NELL1: variants seen among roughly 807,000 people sequenced by gnomAD.
NELL1 encodes protein kinase C-binding protein NELL1.
NELL1 carries 76 observed loss-of-function variants against 107.4 expected under a neutral mutation model. The ratio of observed to expected loss-of-function variants is 0.71; its 90% CI spans 0.59 to 0.86. The LOEUF (loss-of-function observed/expected upper bound fraction) is 0.86. Among genes scored for constraint, NELL1 ranks in the 40% least tolerant of loss-of-function variants. The pLI is 0.00. For synonymous variants in NELL1, 353 were observed against 341.2 expected (o/e 1.03, Z -0.38); for missense variants, 1,024 against 1,005.5 (o/e 1.02, Z -0.25).
At chr11:20,874,075 CT>C (rs889771364) in intron 4 of NELL1, among the ~76,000 whole-genome samples, 6 of 150,702 alleles carry the variant, frequency 4.0e-5, no homozygotes, top group African/African-American at 7.3e-5. Flanking sequence ...TGAGTTTAGA[CT>C]TTTTTTTTGA....
intron 13 of NELL1, among the ~76,000 whole-genome samples, chr11:21,128,599 C>T (rs975566383): frequency 2.6e-5 from 4 of 152,106 alleles, no homozygotes; most frequent in Non-Finnish European, 5.9e-5. Context: ...AGCTATGTCA[C>T]CCTCAAGCAG....
At chr11:20,989,753 G>T (rs1325511049) in intron 12 of NELL1, among the ~76,000 whole-genome samples, 1 of 152,120 alleles carries the variant, frequency 6.6e-6, no homozygotes, top group African/African-American at 2.4e-5. Context: ...AGCACTTTGG[G>T]AGGCCGAGGT....
intron 14 of NELL1, among the ~76,000 whole-genome samples, chr11:21,347,248 A>C (rs1475271369): frequency 1.3e-5 from 2 of 152,186 alleles, no homozygotes; most frequent in Non-Finnish European, 2.9e-5. Context: ...TGTTCTAGTC[A>C]AAGGGAACAA....
intron 3 of NELL1, among the ~76,000 whole-genome samples, chr11:20,784,102 C>T (rs1465212542): frequency 6.6e-6 from 1 of 152,186 alleles, no homozygotes; most frequent in African/African-American, 2.4e-5. Context: ...ATTTAGTCAT[C>T]AAGCAAGTTA....
At chr11:21,030,863 C>A (rs1328714812) in intron 12 of NELL1, among the ~76,000 whole-genome samples, 1 of 151,906 alleles carries the variant, frequency 6.6e-6, no homozygotes, top group East Asian at 1.9e-4. Flanking sequence ...TTTTACTATG[C>A]ATGTATTCTA....
chr11:20,914,222 A>G (rs181129368), intron 5 of NELL1, among the ~76,000 whole-genome samples: 1 of 152,216 alleles, frequency 6.6e-6, no homozygotes, highest in East Asian at 1.9e-4. Context: ...CCATGACACA[A>G]CTTCAGGAGG....
chr11:20,934,625 T>C (rs949310832), intron 9 of NELL1, among the ~76,000 whole-genome samples: 26 of 152,194 alleles, frequency 1.7e-4, no homozygotes, highest in African/African-American at 6.0e-4. Flanking sequence ...AAAAAATGTC[T>C]ATTTCTTCGC....
At chr11:20,802,389 G>T (rs1662058499) in intron 3 of NELL1, among the ~76,000 whole-genome samples, 1 of 147,130 alleles carries the variant, frequency 6.8e-6, no homozygotes, top group African/African-American at 2.5e-5. Context: ...ATCGTTCATT[G>T]TTGGTGTACA....
rs58550867 is a variant in NELL1, at chr11:21,558,399, A to AATAT, written c.1787-1777_1787-1774dup. 5.0e-3 allele frequency among the ~76,000 whole-genome samples: 750 copies of AATAT among 149,484 alleles called. 3 individuals carry two copies. The highest frequency in any genetic ancestry group is 0.016 in the African/African-American group (651 of 40,972). On this transcript the variant is annotated intron_variant, in intron 16 of 19. Transcript: ENST00000357134. ...GAATGGCTAAATAATCAAGCTACAT[A>AATAT]ATATATATATATATATTACCTTATA...
At chr11:20,799,167 A>G (rs956371382) in intron 3 of NELL1, among the ~76,000 whole-genome samples, 2 of 152,202 alleles carry the variant, frequency 1.3e-5, no homozygotes, top group Non-Finnish European at 2.9e-5. Context: ...CAGTAAGTAC[A>G]AAGACTCTGT....
intron 11 of NELL1, 107 bp downstream of exon 11, chr11:20,947,542 G>A: frequency 2.5e-6 from 2 of 787,160 alleles, no homozygotes; most frequent in Non-Finnish European, 2.2e-6. Context: ...CCAAAACTCT[G>A]TGCGCTGCTC....
chr11:21,384,693 G>A (rs147632100), intron 15 of NELL1, among the ~76,000 whole-genome samples: 2,795 of 151,854 alleles, frequency 0.018, 85 homozygotes, highest in African/African-American at 0.063. Context: ...GAGAATATGC[G>A]GTGTTTGGTT....
At chr11:20,919,226 A>G in intron 6 of NELL1, 26 bp from the exon 7 acceptor site, 2 of 1,325,032 alleles carry the variant, frequency 1.5e-6, no homozygotes, top group Non-Finnish European at 2.1e-6. Context: ...ATATAAATAT[A>G]TATGTTTTAT....
chr11:21,024,102 A>G (rs935422153), intron 12 of NELL1, among the ~76,000 whole-genome samples: 15 of 152,118 alleles, frequency 9.9e-5, no homozygotes, highest in African/African-American at 3.6e-4. Flanking sequence ...TTTATAGAGA[A>G]GAAAAGAAGG....
At chr11:21,191,993 A>T (rs960633906) in intron 13 of NELL1, among the ~76,000 whole-genome samples, 6 of 151,856 alleles carry the variant, frequency 4.0e-5, no homozygotes, top group African/African-American at 1.5e-4. Context: ...AGCTGATTGT[A>T]GAAAAATAGT....
intron 16 of NELL1, among the ~76,000 whole-genome samples, chr11:21,551,094 T>C (rs1856571529): frequency 6.6e-6 from 1 of 151,458 alleles, no homozygotes; most frequent in Non-Finnish European, 1.5e-5. Flanking sequence ...TTTTATTCTC[T>C]TTGAAGCAAT....
At chr11:21,146,988 G>A (rs568364068) in intron 13 of NELL1, among the ~76,000 whole-genome samples, 1 of 152,320 alleles carries the variant, frequency 6.6e-6, no homozygotes, top group East Asian at 1.9e-4. Context: ...AGGTTGCAGT[G>A]AGCCAAGATT....
chr11:21,562,975 A>C (rs1031307919), intron 17 of NELL1, among the ~76,000 whole-genome samples: 1 of 152,068 alleles, frequency 6.6e-6, no homozygotes, highest in Admixed American at 6.6e-5. Flanking sequence ...GCTAGCATAA[A>C]TGGATTTGGG....
At chr11:21,392,099 A>G (rs561029029) in intron 15 of NELL1, among the ~76,000 whole-genome samples, 1 of 151,936 alleles carries the variant, frequency 6.6e-6, no homozygotes, top group Admixed American at 6.6e-5. Flanking sequence ...TAAATTTTTA[A>G]TTAATACCCC....
Sources: allele counts gnomAD v4.1 joint callset (sites outside exome capture counted in the v4.1 genomes callset), GRCh38; gene constraint gnomAD v4.1.1; transcripts MANE v1.5; gene names NCBI Gene and HGNC (gene_info 2026-07-23, HGNC 2026-07-21).